Variants in NELFA observed in about 807,000 individuals in gnomAD.
NELFA encodes negative elongation factor A.
In NELFA, 35 loss-of-function variants were observed where a neutral mutation model predicts 51.8. The observed-to-expected ratio is 0.68, with a 90% CI of 0.52 to 0.90. NELFA has a LOEUF of 0.90. Among genes scored for constraint, NELFA ranks in the 40% least tolerant of loss-of-function variants. NELFA has a pLI of 0.00. For synonymous variants in NELFA, 417 were observed against 338.4 expected (o/e 1.23, Z -2.55); for missense variants, 658 against 746.4 (o/e 0.88, Z 1.38).
At chr4:2,006,426 G>A (rs768031484) in intron 1 of NELFA, among the ~76,000 whole-genome samples, 15 of 152,116 alleles carry the variant, frequency 9.9e-5, no homozygotes, top group Non-Finnish European at 2.1e-4. Flanking sequence ...GATAGTGGGC[G>A]GATGAATACA....
intron 1 of NELFA, among the ~76,000 whole-genome samples, chr4:2,001,479 T>C (rs1728564540): frequency 6.6e-6 from 1 of 151,882 alleles, no homozygotes; most frequent in Non-Finnish European, 1.5e-5. Context: ...GTGATTTTAA[T>C]AGGCAAGCAG....
chr4:2,004,241 T>A (rs975648472), intron 1 of NELFA: 1 of 152,158 alleles, frequency 6.6e-6, no homozygotes, highest in South Asian at 2.1e-4. Context: ...ACCAGATGTA[T>A]GATTCTATTT....
rs1255655601 is a variant in NELFA at position 2,004,864 on chromosome 4, G to A, written c.210+3886C>T. 4.8e-5 allele frequency among the ~76,000 whole-genome samples: 7 copies of A among 145,202 alleles called. No homozygotes were observed. In the Admixed American group the frequency reaches 5.0e-4, roughly 10 times the overall value. The stretch of plus-strand genomic sequence containing the variant: ...GCTGTCGCCCAGGCTGGAGTGCAGT[G>A]GCGCGATCTCAGCTCACTGCAAGCT... On this transcript the variant is annotated intron_variant, in intron 1 of 10. Coordinates refer to ENST00000382882, the MANE Select transcript of NELFA (RefSeq NM_005663.5).
Position 1,983,911 on chromosome 4 carries a change from G to T in NELFA, c.1239C>A (p.Ala413=), listed in dbSNP as rs776252597. ...GGGCCTGGGTCTGCGGGGCCACCAT[G>T]GCAACCGGGGGTGTCTGAGTGGTAG... is the stretch of plus-strand genomic sequence containing the variant. ...VAPTTQTPPV[A]MVAPQTQAPA... Residue 413 remains alanine (A), a synonymous_variant, in exon 9 of 11, where the codon GCC becomes GCA. Coordinates refer to ENST00000382882, the MANE Select transcript of NELFA (RefSeq NM_005663.5). 4 of 1,604,734 alleles carry T rather than the reference G, an allele frequency of 2.5e-6. No individual in the cohort carries two copies. In the Admixed American group the frequency reaches 6.8e-5, roughly 27 times the overall value.
chr4:1,994,935 T>G (rs1282820158), intron 1 of NELFA, among the ~76,000 whole-genome samples: 1 of 152,204 alleles, frequency 6.6e-6, no homozygotes, highest in Non-Finnish European at 1.5e-5. Flanking sequence ...ACACAAGTTG[T>G]AGCAGATGCC....
intron 1 of NELFA, among the ~76,000 whole-genome samples, chr4:2,000,162 A>G (rs1728533410): frequency 6.6e-6 from 1 of 152,230 alleles, no homozygotes; most frequent in South Asian, 2.1e-4. Flanking sequence ...TGCCCATATC[A>G]GAAAGCTAGA....
At chr4:2,008,654 TG>T in intron 1 of NELFA, 95 bp downstream of exon 1, 1 of 1,227,812 alleles carries the variant, frequency 8.1e-7, no homozygotes. Flanking sequence ...ATGGGAAGGT[TG>T]GGGGAGGGAG....
At chr4:2,002,321 G>C (rs1039416924) in intron 1 of NELFA, among the ~76,000 whole-genome samples, 2 of 152,178 alleles carry the variant, frequency 1.3e-5, no homozygotes, top group Non-Finnish European at 2.9e-5. Flanking sequence ...GTAACTTACA[G>C]ATTCAATGCT....
intron 1 of NELFA, among the ~76,000 whole-genome samples, chr4:1,996,372 T>C (rs1728423251): frequency 6.6e-6 from 1 of 152,182 alleles, no homozygotes; most frequent in Non-Finnish European, 1.5e-5. Context: ...CGGCTTACAC[T>C]GTAATTAGAA....
intron 1 of NELFA, chr4:1,992,454 C>A: frequency 2.3e-6 from 1 of 435,618 alleles, no homozygotes; most frequent in African/African-American, 2.0e-5. Context: ...ACATAAACCC[C>A]CTCCCACGAG....
At position 1,982,756 on chromosome 4, in the gene NELFA, ATAGTTTT is replaced by A. The variant is rs1727922793; in HGVS notation, c.*556_*562del. 6.6e-6 allele frequency: 1 copy of A among 152,456 alleles called. No individual in the cohort carries two copies. 9.4% of individuals were successfully genotyped at this position (152,456 alleles called of 1,614,324 possible). On this transcript the variant is annotated 3_prime_UTR_variant, in exon 11 of 11. Transcript: ENST00000382882. The stretch of plus-strand genomic sequence containing the variant: ...GAAAAGCTCGACTTTAATGGTTCAG[ATAGTTTT>A]ACAATGAAAATAGGTACCCAAAGAC...
chr4:2,005,799 G>A, intron 1 of NELFA, among the ~76,000 whole-genome samples: 1 of 152,098 alleles, frequency 6.6e-6, no homozygotes, highest in Middle Eastern at 3.2e-3. Context: ...ACAACGGCAT[G>A]GAAAAATATG....
intron 7 of NELFA, among the ~76,000 whole-genome samples, 178 bp from the exon 8 acceptor site, chr4:1,985,097 G>GC: frequency 6.6e-6 from 1 of 151,866 alleles, no homozygotes; most frequent in South Asian, 2.1e-4. Flanking sequence ...GGCCCCTGGC[G>GC]CCCCAGCAGA....
At chr4:1,995,520 T>A (rs887222270) in intron 1 of NELFA, among the ~76,000 whole-genome samples, 4 of 152,200 alleles carry the variant, frequency 2.6e-5, no homozygotes, top group African/African-American at 9.6e-5. Context: ...ATAAAAATAT[T>A]TTTCAGAAAA....
chr4:1,992,066 A>G lies in NELFA; in HGVS notation c.211-351T>C, dbSNP rs2109060144. ...CCGGGGCCACCACTGCTCCCGCAGA[A>G]AGCCTGCGGGTGGGAAATCCTGGGG... is the stretch of plus-strand genomic sequence containing the variant. On this transcript the variant is annotated intron_variant, in intron 1 of 10. Coordinates refer to ENST00000382882, the MANE Select transcript of NELFA (RefSeq NM_005663.5). 4 of 231,732 alleles carry G rather than the reference A, an allele frequency of 1.7e-5. No individual in the cohort carries two copies. In the East Asian group the frequency reaches 5.4e-4, roughly 31 times the overall value. The allele number at this position is 231,732 out of a possible 1,614,324, so 14.4% of individuals were successfully genotyped here.
chr4:2,003,004 C>T (rs1472308328), intron 1 of NELFA, among the ~76,000 whole-genome samples: 1 of 152,120 alleles, frequency 6.6e-6, no homozygotes, highest in Admixed American at 6.6e-5. Flanking sequence ...GGCTAATATC[C>T]AGCATTTACA....
At chr4:2,000,327 C>T (rs773447601) in intron 1 of NELFA, among the ~76,000 whole-genome samples, 1 of 151,780 alleles carries the variant, frequency 6.6e-6, no homozygotes, top group Non-Finnish European at 1.5e-5. Context: ...AAAACCCTCC[C>T]CCCCAAAAAA....
chr4:2,002,548 G>A (rs755810574), intron 1 of NELFA, among the ~76,000 whole-genome samples: 6 of 152,122 alleles, frequency 3.9e-5, no homozygotes, highest in East Asian at 1.9e-4. Context: ...CAGACCAATG[G>A]AGAAGAACAG....
intron 1 of NELFA, among the ~76,000 whole-genome samples, chr4:2,007,669 C>T (rs1728743315): frequency 6.6e-6 from 1 of 152,116 alleles, no homozygotes; most frequent in Non-Finnish European, 1.5e-5. Context: ...GGAAGAAGGC[C>T]GTGATTACCA....
Sources: gnomAD v4.1 joint callset for allele counts (sites outside exome capture counted in the v4.1 genomes callset) on GRCh38, gnomAD v4.1.1 for gene constraint, MANE v1.5 for transcripts, NCBI Gene and HGNC (gene_info 2026-07-23, HGNC 2026-07-21) for gene names.